DHRS1: variants seen among roughly 807,000 people sequenced by gnomAD.
DHRS1 encodes the protein dehydrogenase/reductase 1, also known as dehydrogenase/reductase SDR family member 1.
DHRS1 carries 34 observed loss-of-function variants against 35.2 expected under a neutral mutation model. The ratio of observed to expected loss-of-function variants is 0.97; its 90% CI spans 0.74 to 1.29. DHRS1 has a LOEUF of 1.29. Ranked by LOEUF, DHRS1 falls within the 50% of genes most tolerant of loss-of-function variation. The pLI, the probability that DHRS1 is intolerant of heterozygous loss-of-function variation, is 0.00. For missense variants in DHRS1, 354 were observed against 403.6 expected, an observed-to-expected ratio of 0.88 and a Z score of 1.05; for synonymous variants, 133 against 160.0, an observed-to-expected ratio of 0.83 and a Z score of 1.27.
chr14:24,297,853 C>G (rs1278772360), intron 2 of DHRS1, among the ~76,000 whole-genome samples: 4 of 152,190 alleles, frequency 2.6e-5, no homozygotes, highest in Admixed American at 2.0e-4. Flanking sequence ...AAACTCAGTT[C>G]AAGAACCACC....
At chr14:24,295,782 C>T (rs926632076) in intron 4 of DHRS1, among the ~76,000 whole-genome samples, 3 of 152,214 alleles carry the variant, frequency 2.0e-5, no homozygotes, top group African/African-American at 7.2e-5. Context: ...AATCCTGCTT[C>T]CTTGGGATTG....
rs114405592 is a variant in DHRS1, at chr14:24,292,231, C to T, written c.607G>A (p.Glu203Lys). 2.9e-5 allele frequency: 47 copies of T among 1,614,200 alleles called. No homozygotes were observed. The African/African-American group carries it at 4.7e-4, about 16-fold the overall frequency. The change falls in exon 6 of 9, where the codon GAG (glutamate) becomes AAG (lysine). Residue 203 changes from glutamate (E) to lysine (K), a missense_variant. Physicochemically the swap from Glu to Lys is moderately conservative, Grantham distance 56 (BLOSUM62 1). Transcript: ENST00000288111. ...PGIVQTELLK[E>K]HMAKEEVLQD... ...AGGACCTCCTCCTTTGCCATATGCT[C>T]CTTCAGCAGTTCTGTCTGCACAATC...
chr14:24,295,806 A>C (rs1457655436), intron 4 of DHRS1, among the ~76,000 whole-genome samples: 1 of 152,234 alleles, frequency 6.6e-6, no homozygotes, highest in Non-Finnish European at 1.5e-5. Context: ...CCAGAGTACC[A>C]AAATTGGAGC....
intron 6 of DHRS1, 180 bp from the exon 7 acceptor site, chr14:24,291,805 C>T: frequency 4.6e-6 from 3 of 658,418 alleles, no homozygotes; most frequent in South Asian, 1.8e-5. Flanking sequence ...TCCCCACATC[C>T]AGGTGAGCCC....
chr14:24,291,652 G>T, intron 6 of DHRS1, 27 bp from the exon 7 acceptor site: 1 of 1,610,558 alleles, frequency 6.2e-7, no homozygotes, highest in Admixed American at 1.7e-5. Context: ...GAGAAGTGAA[G>T]GGTTAATTTC....
chr14:24,293,470 A>T (rs953504243), intron 4 of DHRS1: 3 of 152,182 alleles, frequency 2.0e-5, no homozygotes, highest in Non-Finnish European at 4.4e-5. Context: ...GCTACTCGGG[A>T]GCCTGAGGCA....
intron 4 of DHRS1, chr14:24,294,291 T>C (rs1274530422): frequency 6.6e-6 from 1 of 152,066 alleles, no homozygotes; most frequent in Non-Finnish European, 1.5e-5. Context: ...TCTGTGTATA[T>C]AAAGAGCAGG....
Position 24,290,954 on chromosome 14 carries a change from A to T in DHRS1, c.847T>A (p.Ser283Thr), listed in dbSNP as rs761050614. The change falls in exon 9 of 9, where the codon TCA (serine) becomes ACA (threonine). Residue 283 changes from serine (S) to threonine (T), a missense_variant. Transcript: ENST00000288111. ...QDYLSLSSVL[S>T]HVSGLGWLAS... is the part of the protein sequence containing the mutation. ...AGCCAGCCCAGGCCGGACACGTGTG[A>T]GAGAACAGAGCTCAAAGACAAATAG... The T allele has an allele frequency of 1.9e-6, 3 of 1,614,136 alleles. No homozygotes were observed. The East Asian group carries it at 6.7e-5, about 36-fold the overall frequency.
In DHRS1 at chr14:24,290,887, A is replaced by G. The variant is rs145199333; in HGVS notation, c.914T>C (p.Ile305Thr). The G allele has an allele frequency of 2.9e-5, 47 of 1,613,780 alleles. No homozygotes were observed. In the Middle Eastern group the frequency reaches 5.0e-4, roughly 17 times the overall value. ...LPSFLRVPKW[I>T]IALYTSKF ...GAACTTGCTAGTGTAGAGGGCAATA[A>G]TCCACTTGGGCACACGGAGGAAGGA... The change falls in exon 9 of 9, where the codon ATT (isoleucine) becomes ACT (threonine). Residue 305 changes from isoleucine (I) to threonine (T), a missense_variant. By Grantham distance (89) the Ile-to-Thr change is moderately conservative (BLOSUM62 -1). Transcript: ENST00000288111.
Position 24,296,891 on chromosome 14 carries a change from G to C in DHRS1, c.151-10C>G. On this transcript the variant is annotated splice_polypyrimidine_tract_variant and intron_variant, in intron 2 of 8. Coordinates refer to ENST00000288111, the MANE Select transcript of DHRS1 (RefSeq NM_001136050.3). The stretch of plus-strand genomic sequence containing the variant: ...CCCCGAGGGATTGTGCCTGGAGTAG[G>C]ACAGGGGATATGAGCTCACATTCAC... 1.9e-6 allele frequency: 3 copies of C among 1,614,182 alleles called. No homozygotes were observed. Among genetic ancestry groups the C allele is most frequent in the Non-Finnish European group, 2.5e-6 (3 of 1,180,028 alleles).
intron 1 of DHRS1, 148 bp downstream of exon 1, chr14:24,299,433 C>T (rs554916635): frequency 1.1e-4 from 28 of 264,564 alleles, no homozygotes; most frequent in Admixed American, 1.5e-4. Flanking sequence ...CCCCTCGGGG[C>T]GCGTCCACGC....
At chr14:24,298,657 T>C in intron 2 of DHRS1, 1 of 290,764 alleles carries the variant, frequency 3.4e-6, no homozygotes, top group Non-Finnish European at 6.6e-6. Context: ...GGTGTGATCA[T>C]GGCTCAACTC....
Position 24,296,734 on chromosome 14 carries a change from G to A in DHRS1, c.294+4C>T, listed in dbSNP as rs1166554283. The stretch of plus-strand genomic sequence containing the variant: ...TGGAGTTGGGAACAAAGTTCAAAGG[G>A]TACCTGGACCCCTGCATAAGCATTG... On this transcript the variant is annotated splice_donor_region_variant and intron_variant, in intron 3 of 8. Coordinates refer to ENST00000288111, the MANE Select transcript of DHRS1 (RefSeq NM_001136050.3). 1 of 1,614,154 alleles carries A rather than the reference G, an allele frequency of 6.2e-7. No individual in the cohort carries two copies. The highest frequency in any genetic ancestry group is 8.5e-7 in the Non-Finnish European group (1 of 1,180,028).
intron 2 of DHRS1, 93 bp downstream of exon 2, chr14:24,298,864 A>G (rs2041311238): frequency 2.2e-6 from 3 of 1,358,078 alleles, no homozygotes; most frequent in South Asian, 1.4e-5. Context: ...GAGTAGTATT[A>G]TAGTTTCAGG....
In DHRS1 at chr14:24,296,578, T is replaced by G; in HGVS notation, c.305A>C (p.Asn102Thr). ...TTCCCAGAATGCCTTATTCCTGGTG[T>G]TCAGGATCGTCTGGAAGGCACAGGG... ...NAYAGVQTIL[N>T]TRNKAFWETP... is the part of the protein sequence containing the mutation. The change falls in exon 4 of 9, where the codon AAC (asparagine) becomes ACC (threonine). Residue 102 changes from asparagine to threonine, a missense_variant. By Grantham distance (65) the Asn-to-Thr change is moderately conservative. Transcript: ENST00000288111. 1 of 1,614,066 alleles carries G rather than the reference T, an allele frequency of 6.2e-7. No individual in the cohort carries two copies. Among genetic ancestry groups the G allele is most frequent in the Non-Finnish European group, 8.5e-7 (1 of 1,179,998 alleles).
intron 4 of DHRS1, 134 bp downstream of exon 4, chr14:24,296,375 A>G: frequency 1.2e-6 from 1 of 844,888 alleles, no homozygotes; most frequent in Non-Finnish European, 1.9e-6. Flanking sequence ...GGTAAGTGGG[A>G]CAAATGGAAT....
chr14:24,299,195 G>T (rs1348539272), intron 1 of DHRS1, 65 bp from the exon 2 acceptor site: 2 of 1,443,854 alleles, frequency 1.4e-6, no homozygotes, highest in Non-Finnish European at 1.9e-6. Flanking sequence ...GGCGAGGTTG[G>T]GGGGTAGGGG....
At chr14:24,292,512 G>A in intron 5 of DHRS1, 140 bp downstream of exon 5, 1 of 1,525,502 alleles carries the variant, frequency 6.6e-7, no homozygotes, top group East Asian at 2.3e-5. Context: ...CACAAGCAAA[G>A]GAACTGTCCA....
chr14:24,293,578 A>AAATAAATAAATAAATT (rs1455042804), intron 4 of DHRS1: 7 of 151,848 alleles, frequency 4.6e-5, no homozygotes, highest in Non-Finnish European at 7.4e-5. Flanking sequence ...TCTCAAAAAT[A>AAATAAATAAATAAATT]AATAAATAAA....
Sources: gnomAD v4.1 joint callset for allele counts (sites outside exome capture counted in the v4.1 genomes callset) on GRCh38, gnomAD v4.1.1 for gene constraint, MANE v1.5 for transcripts, NCBI Gene and HGNC (gene_info 2026-07-23, HGNC 2026-07-21) for gene names.